Variants in ADAMTS14 observed in about 807,000 individuals in gnomAD.
The protein encoded by ADAMTS14 is A disintegrin and metalloproteinase with thrombospondin motifs 14.
Under a neutral mutation model 128.6 loss-of-function variants are expected in ADAMTS14, and 100 were observed. The ratio of observed to expected loss-of-function variants is 0.78; its 90% CI spans 0.66 to 0.92. The LOEUF (loss-of-function observed/expected upper bound fraction) is 0.92, where lower values mean the gene tolerates loss of function less well. ADAMTS14 is among the 40% of genes least tolerant of loss of function. The pLI is 0.00. For missense variants in ADAMTS14, 1,562 were observed against 1,658.6 expected (o/e 0.94, Z 1.01); for synonymous variants, 665 against 653.8 (o/e 1.02, Z -0.26).
chr10:70,758,032 G>A lies in ADAMTS14; in HGVS notation c.3008G>A (p.Gly1003Glu). The stretch of plus-strand genomic sequence containing the variant: ...TGCAGGACCAACGCCAACAGCCTCG[G>A]GCATTGCGAGGGGGATAGGCCAGAC... ...VVCRTNANSL[G>E]HCEGDRPDTV... is the part of the protein sequence containing the mutation. The change falls in exon 20 of 22, where the codon GGG (glycine) becomes GAG (glutamate). Residue 1003 changes from glycine (G) to glutamate (E), a missense_variant. Gly to Glu is a moderately conservative substitution (Grantham distance 98, BLOSUM62 -2). Coordinates refer to ENST00000373207, the MANE Select transcript of ADAMTS14 (RefSeq NM_080722.4). The A allele has an allele frequency of 1.2e-6, 2 of 1,613,708 alleles. No individual in the cohort carries two copies. The highest frequency in any genetic ancestry group is 4.5e-5 in the East Asian group (2 of 44,874).
chr10:70,751,678 T>G (rs982132934), intron 17 of ADAMTS14, 32 bp downstream of exon 17: 3 of 1,595,546 alleles, frequency 1.9e-6, no homozygotes, highest in Non-Finnish European at 2.6e-6. Context: ...AGTGCTTTGT[T>G]GGGGCAGCCC....
chr10:70,743,684 G>A lies in ADAMTS14; in HGVS notation c.2058+3G>A. The A allele has an allele frequency of 6.3e-7, 1 of 1,583,372 alleles. No homozygotes were observed. Among genetic ancestry groups the A allele is most frequent in the Admixed American group, 1.8e-5 (1 of 56,202 alleles). On this transcript the variant is annotated splice_donor_region_variant and intron_variant, in intron 13 of 21. Coordinates refer to ENST00000373207, the MANE Select transcript of ADAMTS14 (RefSeq NM_080722.4). ...TCTGTGCGCGTGGCGAGTGTGTGGTGGGTGCACCCCCAGCCACCCCGACTA... is the reference window on the plus strand; with the variant it reads ...TCTGTGCGCGTGGCGAGTGTGTGGTAGGTGCACCCCCAGCCACCCCGACTA...
chr10:70,729,422 G>A (rs200944211), intron 5 of ADAMTS14, 45 bp downstream of exon 5: 6 of 1,514,762 alleles, frequency 4.0e-6, no homozygotes, highest in Non-Finnish European at 4.6e-6. Context: ...GAGAAGGGTT[G>A]TGGGGCCAGA....
chr10:70,723,397 C>T lies in ADAMTS14; in HGVS notation c.871-5897C>T, dbSNP rs180842705. On this transcript the variant is annotated intron_variant, in intron 4 of 21. Coordinates refer to ENST00000373207, the MANE Select transcript of ADAMTS14 (RefSeq NM_080722.4). ...ATAAAATGTAGACTTTAGTTAATAACAGCATGTCAGTATTGGTTCGTTAAC... is the reference window on the plus strand; with the variant it reads ...ATAAAATGTAGACTTTAGTTAATAATAGCATGTCAGTATTGGTTCGTTAAC... 2.2e-3 allele frequency among the ~76,000 whole-genome samples: 341 copies of T among 152,304 alleles called. 2 individuals are homozygous for T. The highest frequency in any genetic ancestry group is 7.9e-3 in the African/African-American group (328 of 41,562).
chr10:70,681,895 G>T (rs1481481685), intron 2 of ADAMTS14, among the ~76,000 whole-genome samples: 2 of 152,204 alleles, frequency 1.3e-5, no homozygotes, highest in African/African-American at 4.8e-5. Flanking sequence ...GCCCCACATT[G>T]GTGCAGACCT....
chr10:70,674,720 C>A lies in ADAMTS14; in HGVS notation c.247C>A (p.Leu83Ile), dbSNP rs753031516. ...CACACTACCACGACACTCCAGTCAC[C>A]TCCGGGTGGCTCGCAGCCCTCTGCA... ...PPTLPRHSSH[L>I]RVARSPLHPG... The change falls in exon 2 of 22, where the codon CTC becomes ATC. Residue 83 changes from leucine (L) to isoleucine (I), a missense_variant. By Grantham distance (5) the Leu-to-Ile change is conservative (BLOSUM62 2). Transcript: ENST00000373207. 3.1e-6 allele frequency: 5 copies of A among 1,613,492 alleles called. No homozygotes were observed. In the South Asian group the frequency reaches 5.5e-5, roughly 18 times the overall value.
chr10:70,741,710 C>T (rs1440180102), intron 12 of ADAMTS14, among the ~76,000 whole-genome samples: 1 of 152,110 alleles, frequency 6.6e-6, no homozygotes, highest in East Asian at 1.9e-4. Context: ...TAACGACTCT[C>T]TAGGCTGCCC....
intron 2 of ADAMTS14, among the ~76,000 whole-genome samples, chr10:70,675,527 T>C (rs1163585738): frequency 6.6e-6 from 1 of 152,146 alleles, no homozygotes; most frequent in South Asian, 2.1e-4. Context: ...GCGGCTGCTA[T>C]TATGTCTTGT....
rs553592285 is a variant in ADAMTS14 at position 70,699,345 on chromosome 10, C to T, written c.523-2967C>T. Among the ~76,000 whole-genome samples, 46 of 152,124 alleles carry T rather than the reference C, an allele frequency of 3.0e-4. 2 individuals carry two copies. In the South Asian group the frequency reaches 8.3e-3, roughly 28 times the overall value. Reference sequence around the variant, plus strand: ...ATAAGATAATATATAAAAATATGAGCGGCAGGTACTGTTGTTAATAACAAT... The same window carrying T: ...ATAAGATAATATATAAAAATATGAGTGGCAGGTACTGTTGTTAATAACAAT... On this transcript the variant is annotated intron_variant, in intron 2 of 21. Transcript: ENST00000373207.
At chr10:70,683,094 G>GGCAGGCCCT (rs1303493322) in intron 2 of ADAMTS14, among the ~76,000 whole-genome samples, 5 of 152,242 alleles carry the variant, frequency 3.3e-5, no homozygotes, top group African/African-American at 9.6e-5. Flanking sequence ...CCTGCGCCCT[G>GGCAGGCCCT]GCAGGCCCTG....
chr10:70,731,825 C>T (rs561574355), intron 6 of ADAMTS14, among the ~76,000 whole-genome samples: 6 of 152,256 alleles, frequency 3.9e-5, no homozygotes, highest in Admixed American at 3.3e-4. Context: ...GGGTGGGTAG[C>T]GGGGTGTTGC....
Position 70,674,713 on chromosome 10 carries a change from C to G in ADAMTS14, c.240C>G (p.Ser80=). 1 of 1,613,552 alleles carries G rather than the reference C, an allele frequency of 6.2e-7. No homozygotes were observed. The highest frequency in any genetic ancestry group is 1.7e-5 in the Admixed American group (1 of 60,028). The change falls in exon 2 of 22, where the codon TCC becomes TCG. Residue 80 remains serine (S), a synonymous_variant. Transcript: ENST00000373207. The stretch of plus-strand genomic sequence containing the variant: ...CGCCACCCACACTACCACGACACTC[C>G]AGTCACCTCCGGGTGGCTCGCAGCC... ...VDTPPTLPRH[S]SHLRVARSPL... is the part of the protein sequence containing the mutation.
chr10:70,755,587 G>A (rs3944971), intron 19 of ADAMTS14, among the ~76,000 whole-genome samples: 39,842 of 152,216 alleles, frequency 0.26, 5,382 homozygotes, highest in Admixed American at 0.28. Context: ...GCTCACGCCT[G>A]TAATCCCACC....
chr10:70,755,793 G>A (rs373414390), intron 19 of ADAMTS14, among the ~76,000 whole-genome samples: 1 of 152,220 alleles, frequency 6.6e-6, no homozygotes, highest in Non-Finnish European at 1.5e-5. Flanking sequence ...AGGTTGCAGT[G>A]AGCCAAGATC....
intron 2 of ADAMTS14, among the ~76,000 whole-genome samples, chr10:70,680,909 A>C (rs959409591): frequency 1.3e-5 from 2 of 152,146 alleles, no homozygotes; most frequent in African/African-American, 4.8e-5. Context: ...CTGCCTCCCA[A>C]AGTGCTGGGA....
At chr10:70,754,166 C>G (rs531143413) in intron 19 of ADAMTS14, among the ~76,000 whole-genome samples, 159 bp downstream of exon 19, 1 of 152,194 alleles carries the variant, frequency 6.6e-6, no homozygotes, top group Non-Finnish European at 1.5e-5. Context: ...TACCCTGGGC[C>G]GTGGCTCTGT....
intron 18 of ADAMTS14, 23 bp from the exon 19 acceptor site, chr10:70,753,777 C>T: frequency 1.3e-6 from 2 of 1,536,686 alleles, no homozygotes; most frequent in East Asian, 4.7e-5. Flanking sequence ...GTCTCACCTC[C>T]TCTCCTTTCA....
Position 70,732,381 on chromosome 10 carries a change from G to A in ADAMTS14, c.1208+22G>A, listed in dbSNP as rs1298835442. 2.5e-6 allele frequency: 4 copies of A among 1,592,670 alleles called. No individual in the cohort carries two copies. The East Asian group carries it at 6.7e-5, about 27-fold the overall frequency. ...ACGTGTAAGTGGCAGCAGCACGGTG[G>A]GTGGGACTGGCAGCTGTGCCGTGAG... On this transcript the variant is annotated intron_variant, in intron 7 of 21. Transcript: ENST00000373207.
At position 70,758,372 on chromosome 10, in the gene ADAMTS14, C is replaced by T. The variant is rs890211235; in HGVS notation, c.3178+87C>T. 5 of 1,213,038 alleles carry T rather than the reference C, an allele frequency of 4.1e-6. No individual in the cohort carries two copies. The African/African-American group carries it at 7.6e-5, about 18-fold the overall frequency. 75.1% of individuals were successfully genotyped at this position (1,213,038 alleles called of 1,614,324 possible). A position where few individuals can be genotyped will look rare whatever the true frequency, so the allele number is the denominator to read the frequency against. On this transcript the variant is annotated intron_variant, in intron 21 of 21. Transcript: ENST00000373207. ...GCATGGGCCACTCAGTGGAGCAAAC[C>T]CAGCTTGTAGCTGTCTGTGTGACCT...
Sources: gnomAD v4.1 joint callset for allele counts (sites outside exome capture counted in the v4.1 genomes callset) on GRCh38, gnomAD v4.1.1 for gene constraint, MANE v1.5 for transcripts, NCBI Gene and HGNC (gene_info 2026-07-23, HGNC 2026-07-21) for gene names.